The following PPARGC1A variants were observed in gnomAD, a reference collection of about 807,000 sequenced individuals.
PPARGC1A encodes the protein peroxisome proliferator-activated receptor gamma coactivator 1-alpha.
Under a neutral mutation model 88.7 loss-of-function variants are expected in PPARGC1A, and 25 were observed. That is an observed-to-expected ratio of 0.28 (90% CI 0.21 to 0.39). The LOEUF (loss-of-function observed/expected upper bound fraction) is 0.39. Among genes scored for constraint, PPARGC1A ranks in the 10% least tolerant of loss-of-function variants. The probability of loss-of-function intolerance (pLI) is 1.00; values close to 1 mark genes in which losing one functional copy is unlikely to be tolerated. For missense variants in PPARGC1A, 880 were observed against 968.7 expected (o/e 0.91, Z 1.22); for synonymous variants, 363 against 355.6 (o/e 1.02, Z -0.24).
the PPARGC1A span, among the ~76,000 whole-genome samples, chr4:24,129,183 G>C: frequency 6.6e-6 from 1 of 152,160 alleles, no homozygotes. Context: ...AATGGTAATG[G>C]GGGGAAAGAG....
At chr4:23,962,734 AC>A in the PPARGC1A span, among the ~76,000 whole-genome samples, 1 of 152,074 alleles carries the variant, frequency 6.6e-6, no homozygotes, top group South Asian at 2.1e-4. Flanking sequence ...CTTGACTGAA[AC>A]CCAAGTAGGG....
intron 2 of PPARGC1A, chr4:23,882,827 C>T (rs1716202628): frequency 6.6e-6 from 1 of 152,076 alleles, no homozygotes; most frequent in Non-Finnish European, 1.5e-5. Flanking sequence ...AAGTACCTCT[C>T]ACAAATACCA....
the PPARGC1A span, among the ~76,000 whole-genome samples, chr4:24,407,102 G>C: frequency 6.6e-6 from 1 of 152,048 alleles, no homozygotes; most frequent in Non-Finnish European, 1.5e-5. Flanking sequence ...CACTCTCTCT[G>C]AAGCTCCGGA....
upstream of PPARGC1A, chr4:23,903,935 C>A (rs1353236087): frequency 7.0e-6 from 5 of 715,022 alleles, no homozygotes; most frequent in Non-Finnish European, 8.6e-6. Context: ...TAAAACAAAA[C>A]CCACCTACCA....
Position 23,794,383 on chromosome 4 carries a change from A to G in PPARGC1A, c.*1439T>C, listed in dbSNP as rs534782183. On this transcript the variant is annotated 3_prime_UTR_variant, in exon 13 of 13. Coordinates refer to ENST00000264867, the MANE Select transcript of PPARGC1A (RefSeq NM_013261.5). ...AAGCGACAAGAAAATGTGGAAAAAT[A>G]TCGCAGAAGTGGTTAATACCTTTAG... 2.6e-5 allele frequency: 4 copies of G among 152,698 alleles called. No homozygotes were observed. The highest frequency in any genetic ancestry group is 7.2e-5 in the African/African-American group (3 of 41,572). 9.5% of individuals were successfully genotyped at this position (152,698 alleles called of 1,614,324 possible). A position where few individuals can be genotyped will look rare whatever the true frequency, so the allele number is the denominator to read the frequency against.
the PPARGC1A span, among the ~76,000 whole-genome samples, chr4:24,129,898 C>G: frequency 6.6e-6 from 1 of 150,990 alleles, no homozygotes; most frequent in South Asian, 2.1e-4. Context: ...TCGCCAAGGA[C>G]AAAAAAACCA....
the PPARGC1A span, among the ~76,000 whole-genome samples, chr4:24,283,458 G>A: frequency 3.4e-4 from 51 of 152,178 alleles, no homozygotes; most frequent in African/African-American, 1.2e-3. Context: ...GGGAACAAAC[G>A]AAGGAAACGG....
chr4:23,857,603 C>G (rs1730436330), intron 2 of PPARGC1A, among the ~76,000 whole-genome samples: 1 of 151,724 alleles, frequency 6.6e-6, no homozygotes, highest in African/African-American at 2.4e-5. Context: ...GACAGTATAA[C>G]TCATCCAGCT....
chr4:24,007,570 G>A, the PPARGC1A span, among the ~76,000 whole-genome samples: 1 of 152,140 alleles, frequency 6.6e-6, no homozygotes, highest in Admixed American at 6.5e-5. Context: ...GAGGTTGAAG[G>A]CAGGGCATTT....
the PPARGC1A span, among the ~76,000 whole-genome samples, chr4:24,462,586 C>T: frequency 1.6e-3 from 236 of 151,964 alleles, 2 homozygotes; most frequent in African/African-American, 5.3e-3. Flanking sequence ...CCTCAGTTTC[C>T]TCATGGAATA....
chr4:24,241,421 A>G, the PPARGC1A span, among the ~76,000 whole-genome samples: 1 of 152,196 alleles, frequency 6.6e-6, no homozygotes, highest in Non-Finnish European at 1.5e-5. Flanking sequence ...CCCTTCCCCC[A>G]GTTGTTCCAA....
the PPARGC1A span, among the ~76,000 whole-genome samples, chr4:24,217,151 AG>A: frequency 6.6e-6 from 1 of 152,208 alleles, no homozygotes; most frequent in Non-Finnish European, 1.5e-5. Flanking sequence ...TTTGTCCCTT[AG>A]GTATTTTCTC....
the PPARGC1A span, among the ~76,000 whole-genome samples, chr4:24,339,219 TATATATATATATATATATACAC>T: frequency 3.0e-5 from 1 of 33,088 alleles, no homozygotes; most frequent in African/African-American, 7.3e-5. Context: ...TGTGTATATA[TATATATATATATATATATACAC>T]ACACACACAC....
chr4:23,862,631 A>AT (rs1731416117), intron 2 of PPARGC1A, among the ~76,000 whole-genome samples: 3 of 152,106 alleles, frequency 2.0e-5, no homozygotes, highest in Admixed American at 2.0e-4. Flanking sequence ...ACTAGTTTTT[A>AT]TTTTTTTAAT....
the PPARGC1A span, among the ~76,000 whole-genome samples, chr4:24,137,086 C>T: frequency 1.2e-4 from 18 of 149,844 alleles, no homozygotes; most frequent in Admixed American, 7.3e-4. Flanking sequence ...TGCACTCCAG[C>T]CCGGGTGACA....
the PPARGC1A span, among the ~76,000 whole-genome samples, chr4:24,382,260 C>A: frequency 6.6e-6 from 1 of 152,146 alleles, no homozygotes; most frequent in South Asian, 2.1e-4. Flanking sequence ...AAATTGTTCA[C>A]TTTGACTGCA....
the PPARGC1A span, among the ~76,000 whole-genome samples, chr4:24,004,778 C>G: frequency 6.6e-6 from 1 of 152,134 alleles, no homozygotes; most frequent in East Asian, 1.9e-4. Context: ...TAGAAGAATG[C>G]CAGGCTTCAT....
rs572853673 is a variant in PPARGC1A at position 23,839,952 on chromosome 4, T to C, written c.235-8201A>G. Among the ~76,000 whole-genome samples, 26 of 152,216 alleles carry C rather than the reference T, an allele frequency of 1.7e-4. No homozygotes were observed. In the East Asian group the frequency reaches 5.0e-3, roughly 30 times the overall value. On this transcript the variant is annotated intron_variant, in intron 2 of 12. Transcript: ENST00000264867. ...TCCCTCCCACAACACATGGGAATTA[T>C]GGAAGCTACAAGATGAGATTTGGGT... is the stretch of plus-strand genomic sequence containing the variant.
At chr4:24,153,834 G>A in the PPARGC1A span, among the ~76,000 whole-genome samples, 387 of 152,148 alleles carry the variant, frequency 2.5e-3, 1 homozygote, top group African/African-American at 8.8e-3. Context: ...AATTGTTACC[G>A]AACTGGGCCA....
Sources: allele counts gnomAD v4.1 joint callset (sites outside exome capture counted in the v4.1 genomes callset), GRCh38; gene constraint gnomAD v4.1.1; transcripts MANE v1.5; gene names NCBI Gene and HGNC (gene_info 2026-07-23, HGNC 2026-07-21).